Variants in SOX5 observed in about 807,000 individuals in gnomAD.
The protein encoded by SOX5 is SRY-box transcription factor 5.
Under a neutral mutation model 92.0 loss-of-function variants are expected in SOX5, and 9 were observed. The ratio of observed to expected loss-of-function variants is 0.10; its 90% confidence interval spans 0.06 to 0.17. The LOEUF (loss-of-function observed/expected upper bound fraction) is 0.17, where lower values mean the gene tolerates loss of function less well. SOX5 is among the 10% of genes least tolerant of loss of function. The pLI is 1.00. For synonymous variants in SOX5, 344 were observed against 336.3 expected (o/e 1.02, Z -0.25); for missense variants, 642 against 944.5 (o/e 0.68, Z 4.20).
chr12:24,041,536 T>C (rs749302702), intron 4 of SOX5, among the ~76,000 whole-genome samples: 1 of 152,164 alleles, frequency 6.6e-6, no homozygotes, highest in Non-Finnish European at 1.5e-5. Flanking sequence ...CATAACTACA[T>C]TGCTTAAAGT....
At chr12:24,191,826 G>A (rs1399317586) in intron 4 of SOX5, among the ~76,000 whole-genome samples, 1 of 152,166 alleles carries the variant, frequency 6.6e-6, no homozygotes, top group Non-Finnish European at 1.5e-5. Context: ...CTAGAGAAAG[G>A]CAAAACTATC....
intron 10 of SOX5, among the ~76,000 whole-genome samples, chr12:23,566,736 A>G (rs1947174707): frequency 6.6e-6 from 1 of 152,246 alleles, no homozygotes; most frequent in Non-Finnish European, 1.5e-5. Context: ...GTCAAGATTA[A>G]GTGAGTAAAT....
At chr12:23,542,358 C>G (rs2136004172) in intron 13 of SOX5, among the ~76,000 whole-genome samples, 1 of 152,252 alleles carries the variant, frequency 6.6e-6, no homozygotes, top group African/African-American at 2.4e-5. Context: ...CTTAGGTTGT[C>G]TAGTATCTGG....
Position 23,563,410 on chromosome 12 carries a change from A to T in SOX5, c.1343-7T>A. The T allele has an allele frequency of 6.2e-7, 1 of 1,612,994 alleles. No individual in the cohort carries two copies. Among genetic ancestry groups the T allele is most frequent in the Non-Finnish European group, 8.5e-7 (1 of 1,179,302 alleles). ...TCATGGTCATTTAAGTAACCTGAAC[A>T]TGAGACAGATCAAAGGATATCTTTT... On this transcript the variant is annotated splice_region_variant and splice_polypyrimidine_tract_variant and intron_variant, in intron 10 of 14. Coordinates refer to ENST00000451604, the MANE Select transcript of SOX5 (RefSeq NM_006940.6).
intron 4 of SOX5, among the ~76,000 whole-genome samples, chr12:24,152,813 G>T (rs1222501614): frequency 6.6e-6 from 1 of 150,688 alleles, no homozygotes; most frequent in Admixed American, 6.7e-5. Flanking sequence ...AAAACAAAAT[G>T]AGGGGGCTTT....
intron 2 of SOX5, among the ~76,000 whole-genome samples, chr12:24,352,187 A>G (rs1182524974): frequency 1.3e-5 from 2 of 152,180 alleles, no homozygotes; most frequent in Non-Finnish European, 2.9e-5. Context: ...GTGAATTCTA[A>G]CTGGTGTTTT....
chr12:24,562,598 A>G (rs1009465897), upstream of SOX5: 2 of 152,188 alleles, frequency 1.3e-5, no homozygotes, highest in South Asian at 2.1e-4. Context: ...TTTGCTGGTC[A>G]TGAGGCGGCT....
chr12:23,860,744 G>A (rs1438337581), intron 2 of SOX5, among the ~76,000 whole-genome samples: 1 of 152,042 alleles, frequency 6.6e-6, no homozygotes, highest in South Asian at 2.1e-4. Context: ...TTTATTTCCA[G>A]TGAATGATTA....
At chr12:24,119,177 A>T (rs1029087765) in intron 4 of SOX5, among the ~76,000 whole-genome samples, 1 of 152,134 alleles carries the variant, frequency 6.6e-6, no homozygotes, top group Admixed American at 6.5e-5. Context: ...CTCAGGAACT[A>T]TTAGAACAGT....
At chr12:23,805,702 C>T (rs1433698826) in intron 3 of SOX5, among the ~76,000 whole-genome samples, 1 of 152,090 alleles carries the variant, frequency 6.6e-6, no homozygotes, top group East Asian at 1.9e-4. Flanking sequence ...GGACAGGAAT[C>T]AGGATGATCT....
At chr12:24,396,132 T>A (rs1273191901) in intron 1 of SOX5, among the ~76,000 whole-genome samples, 2 of 152,230 alleles carry the variant, frequency 1.3e-5, no homozygotes, top group Non-Finnish European at 2.9e-5. Flanking sequence ...TTATTTTAAA[T>A]GGCATAGTCT....
rs543122628 is a variant in SOX5, at chr12:24,402,694, A to C, written c.-250-34055T>G. ...AATGGAAACATAACAGAGGTGTAGC[A>C]GTATAAAAAAAGAAAGCCTGAGTTT... is the stretch of plus-strand genomic sequence containing the variant. On this transcript the variant is annotated intron_variant, in intron 1 of 4. Transcript: ENST00000446891. Among the ~76,000 whole-genome samples the C allele has an allele frequency of 5.3e-5, 8 of 152,314 alleles. No homozygotes were observed. In the South Asian group the frequency reaches 1.7e-3, roughly 32 times the overall value.
At chr12:23,988,640 G>C (rs1451679820) in intron 4 of SOX5, among the ~76,000 whole-genome samples, 2 of 152,116 alleles carry the variant, frequency 1.3e-5, no homozygotes, top group African/African-American at 4.8e-5. Context: ...CTATAAGTTA[G>C]GTATAGAAAC....
intron 2 of SOX5, among the ~76,000 whole-genome samples, chr12:24,291,208 G>A (rs539041615): frequency 6.6e-6 from 1 of 152,282 alleles, no homozygotes; most frequent in Non-Finnish European, 1.5e-5. Context: ...CACACAGCAC[G>A]TCACAAAGTA....
chr12:24,257,625 C>A (rs568299230), intron 3 of SOX5, among the ~76,000 whole-genome samples: 1 of 151,916 alleles, frequency 6.6e-6, no homozygotes, highest in African/African-American at 2.4e-5. Context: ...CGCACCACCA[C>A]GACTGGCTAA....
At chr12:24,537,189 G>T (rs797004562) in intron 1 of SOX5, among the ~76,000 whole-genome samples, 3 of 152,296 alleles carry the variant, frequency 2.0e-5, no homozygotes, top group African/African-American at 7.2e-5. Context: ...TTCAAAGTGA[G>T]TATCATAGGT....
intron 2 of SOX5, among the ~76,000 whole-genome samples, chr12:24,346,122 CT>C: frequency 6.6e-6 from 1 of 152,222 alleles, no homozygotes; most frequent in Non-Finnish European, 1.5e-5. Context: ...AACTTCCAAT[CT>C]TCTAGATTCA....
At chr12:23,885,784 T>C (rs888825896) in intron 2 of SOX5, among the ~76,000 whole-genome samples, 3 of 152,088 alleles carry the variant, frequency 2.0e-5, no homozygotes, top group African/African-American at 7.2e-5. Flanking sequence ...TTTACATTTA[T>C]TTCCCATTTC....
intron 1 of SOX5, among the ~76,000 whole-genome samples, chr12:24,481,429 T>G (rs1182775287): frequency 2.6e-5 from 4 of 152,170 alleles, no homozygotes; most frequent in Non-Finnish European, 5.9e-5. Flanking sequence ...ATAATTGGAC[T>G]GTTTGTAACA....
Sources: allele counts gnomAD v4.1 joint callset (sites outside exome capture counted in the v4.1 genomes callset), GRCh38; gene constraint gnomAD v4.1.1; transcripts MANE v1.5; gene names NCBI Gene and HGNC (gene_info 2026-07-23, HGNC 2026-07-21).